MRTFA: variants seen among roughly 807,000 people sequenced by gnomAD.
MRTFA encodes the protein myocardin related transcription factor A.
Under a neutral mutation model 83.5 loss-of-function variants are expected in MRTFA, and 20 were observed. The observed-to-expected ratio is 0.24, with a 90% CI of 0.17 to 0.35. MRTFA has a LOEUF of 0.35. Ranked by LOEUF, MRTFA falls within the 10% of genes least tolerant of loss-of-function variation. The pLI, the probability that MRTFA is intolerant of heterozygous loss-of-function variation, is 1.00. For synonymous variants in MRTFA, 659 were observed against 541.2 expected, an observed-to-expected ratio of 1.22 and a Z score of -3.02; for missense variants, 1,200 against 1,224.7, an observed-to-expected ratio of 0.98 and a Z score of 0.30.
At chr22:40,470,237 A>T (rs1480188553) in intron 3 of MRTFA, among the ~76,000 whole-genome samples, 2 of 19,440 alleles carry the variant, frequency 1.0e-4, no homozygotes, top group African/African-American at 2.8e-4. Flanking sequence ...AATTTTATAT[A>T]TATATATATA....
chr22:40,530,471 A>T (rs548679087), intron 3 of MRTFA, among the ~76,000 whole-genome samples: 2 of 152,236 alleles, frequency 1.3e-5, no homozygotes, highest in East Asian at 3.9e-4. Context: ...TAATTTCTGT[A>T]TTTTTAGTAG....
intron 1 of MRTFA, among the ~76,000 whole-genome samples, chr22:40,628,216 G>A (rs1172717661): frequency 1.3e-5 from 2 of 152,178 alleles, no homozygotes; most frequent in African/African-American, 4.8e-5. Flanking sequence ...TACAGATGAA[G>A]AAGCTGAATC....
At chr22:40,537,029 C>T (rs1165869703) in intron 3 of MRTFA, among the ~76,000 whole-genome samples, 14,480 of 45,636 alleles carry the variant, frequency 0.32, 1,990 homozygotes, top group African/African-American at 0.43. Context: ...GGGTCAGCCC[C>T]CCCGCCCGGC....
At chr22:40,581,997 G>T (rs1288357281) in intron 2 of MRTFA, among the ~76,000 whole-genome samples, 2 of 152,132 alleles carry the variant, frequency 1.3e-5, no homozygotes, top group African/African-American at 4.8e-5. Flanking sequence ...GCAAAGCTGT[G>T]GAACCATTAC....
Position 40,527,540 on chromosome 22 carries a change from G to A in MRTFA, c.241+24566C>T, listed in dbSNP as rs545577385. On this transcript the variant is annotated intron_variant, in intron 3 of 14. Coordinates refer to ENST00000355630, the MANE Select transcript of MRTFA (RefSeq NM_020831.6). ...TGGGAGGCTGAGGTGGGCAGATCAC[G>A]AAGTTAGGAGATCGAGACTATCCTG... is the stretch of plus-strand genomic sequence containing the variant. 3.0e-4 allele frequency among the ~76,000 whole-genome samples: 45 copies of A among 152,048 alleles called. 1 individual carries two copies. Among genetic ancestry groups the A allele is most frequent in the Middle Eastern group, 3.4e-3 (1 of 292 alleles).
chr22:40,584,785 C>T (rs528472855), intron 2 of MRTFA, among the ~76,000 whole-genome samples: 2 of 147,366 alleles, frequency 1.4e-5, no homozygotes, highest in East Asian at 2.0e-4. Flanking sequence ...TGGCTCAAGC[C>T]TTAATCCCAG....
chr22:40,577,605 TCTGA>T (rs2055885675), intron 2 of MRTFA, among the ~76,000 whole-genome samples: 2 of 148,440 alleles, frequency 1.3e-5, no homozygotes, highest in Non-Finnish European at 3.0e-5. Flanking sequence ...TCAATCTACA[TCTGA>T]TTTTTTTTTT....
chr22:40,447,522 CAAG>C (rs970810909), intron 4 of MRTFA, among the ~76,000 whole-genome samples: 6 of 151,954 alleles, frequency 3.9e-5, no homozygotes, highest in Non-Finnish European at 8.8e-5. Flanking sequence ...TGGCAGAAAA[CAAG>C]AAGAGTGGGT....
chr22:40,442,201 A>T (rs1215102787), intron 4 of MRTFA, among the ~76,000 whole-genome samples: 1 of 152,184 alleles, frequency 6.6e-6, no homozygotes, highest in Non-Finnish European at 1.5e-5. Flanking sequence ...ATATGTATTA[A>T]GTGTCTAGGT....
chr22:40,548,062 A>T (rs775696768), intron 3 of MRTFA, among the ~76,000 whole-genome samples: 2 of 152,022 alleles, frequency 1.3e-5, no homozygotes, highest in Non-Finnish European at 2.9e-5. Flanking sequence ...GTAGGTTGAT[A>T]AAGGGCAACA....
Position 40,546,596 on chromosome 22 carries a change from A to G in MRTFA, c.241+5510T>C, listed in dbSNP as rs142817596. Among the ~76,000 whole-genome samples, 1,394 of 152,376 alleles carry G rather than the reference A, an allele frequency of 9.1e-3. 14 individuals carry two copies. The highest frequency in any genetic ancestry group is 0.023 in the South Asian group (109 of 4,828). The stretch of plus-strand genomic sequence containing the variant: ...AGACAGGTAGTGACAGAAGCCATAA[A>G]GCAGTTGAGTCTCTGGGATATGAGA... On this transcript the variant is annotated intron_variant, in intron 3 of 14. Coordinates refer to ENST00000355630, the MANE Select transcript of MRTFA (RefSeq NM_020831.6).
At position 40,511,690 on chromosome 22, in the gene MRTFA, T is replaced by C. The variant is rs567847243; in HGVS notation, c.241+40416A>G. 3.4e-4 allele frequency among the ~76,000 whole-genome samples: 52 copies of C among 152,238 alleles called. No individual in the cohort carries two copies. The South Asian group carries it at 0.011, about 32-fold the overall frequency. On this transcript the variant is annotated intron_variant, in intron 3 of 14. Transcript: ENST00000355630. ...GAAAGAATAACACAAAGGTGGAAAA[T>C]ATAATCAGAAATTATTCATGGCACT...
intron 4 of MRTFA, chr22:40,436,333 G>A (rs746091146): frequency 6.5e-6 from 1 of 154,308 alleles, no homozygotes; most frequent in African/African-American, 2.4e-5. Flanking sequence ...CTGTTTCAAT[G>A]GGACAGTTAA....
intron 1 of MRTFA, among the ~76,000 whole-genome samples, chr22:40,609,612 CT>C (rs944911361): frequency 7.2e-5 from 11 of 151,816 alleles, no homozygotes; most frequent in African/African-American, 2.7e-4. Flanking sequence ...GGGTGGATCA[CT>C]TGAGGTCAGG....
At chr22:40,429,341 T>C (rs993749287) in intron 7 of MRTFA, 1 of 618,162 alleles carries the variant, frequency 1.6e-6, no homozygotes, top group Non-Finnish European at 2.9e-6. Flanking sequence ...AACCCGAGTT[T>C]ACAAAGATGG....
At chr22:40,535,357 T>TTC (rs1555998679) in intron 3 of MRTFA, among the ~76,000 whole-genome samples, 8 of 136,312 alleles carry the variant, frequency 5.9e-5, no homozygotes, top group East Asian at 4.1e-4. Flanking sequence ...TCTTTTTTTT[T>TTC]TTTTTTTTCT....
intron 2 of MRTFA, among the ~76,000 whole-genome samples, chr22:40,584,629 G>T (rs1444693594): frequency 6.6e-6 from 1 of 151,768 alleles, no homozygotes; most frequent in African/African-American, 2.4e-5. Flanking sequence ...CCAGCTACTC[G>T]GGAGACCGTA....
chr22:40,597,629 G>C (rs2056209196), intron 1 of MRTFA, among the ~76,000 whole-genome samples: 1 of 152,208 alleles, frequency 6.6e-6, no homozygotes, highest in African/African-American at 2.4e-5. Context: ...AGGAGTTTAA[G>C]AAGTAAAACA....
chr22:40,527,707 C>T (rs1229054901), intron 3 of MRTFA, among the ~76,000 whole-genome samples: 2 of 148,176 alleles, frequency 1.3e-5, no homozygotes, highest in Non-Finnish European at 3.0e-5. Flanking sequence ...TGCAGTGAGC[C>T]GAGATCGCAT....
Sources: gnomAD v4.1 joint callset for allele counts (sites outside exome capture counted in the v4.1 genomes callset) on GRCh38, gnomAD v4.1.1 for gene constraint, MANE v1.5 for transcripts, NCBI Gene and HGNC (gene_info 2026-07-23, HGNC 2026-07-21) for gene names.